THNSL1: variants seen among roughly 807,000 people sequenced by gnomAD.
THNSL1 encodes the protein threonine synthase like 1, also known as threonine synthase-like 1.
THNSL1 carries 48 observed loss-of-function variants against 50.4 expected under a neutral mutation model. That is an observed-to-expected ratio of 0.95 (90% CI 0.76 to 1.21). THNSL1 has a LOEUF of 1.21. THNSL1 is among the 50% of genes most tolerant of loss of function. THNSL1 has a pLI of 0.00. For missense variants in THNSL1, 896 were observed against 871.7 expected, an observed-to-expected ratio of 1.03 and a Z score of -0.35; for synonymous variants, 309 against 306.1, an observed-to-expected ratio of 1.01 and a Z score of -0.10.
the THNSL1 span, among the ~76,000 whole-genome samples, chr10:24,988,682 AT>A: frequency 1.2e-3 from 7 of 5,874 alleles, 1 homozygote; most frequent in Non-Finnish European, 7.1e-4. Context: ...ATATATATAT[AT>A]ATATATATAT....
the THNSL1 span, among the ~76,000 whole-genome samples, chr10:24,974,457 A>G: frequency 1.3e-5 from 2 of 152,236 alleles, no homozygotes; most frequent in African/African-American, 4.8e-5. Context: ...AACAGTTCTT[A>G]AAGAAAGTAG....
the THNSL1 span, among the ~76,000 whole-genome samples, chr10:25,001,600 G>T: frequency 2.0e-5 from 3 of 151,636 alleles, no homozygotes; most frequent in African/African-American, 7.3e-5. Context: ...TTCTATTACT[G>T]TGTCTTCAAA....
the THNSL1 span, among the ~76,000 whole-genome samples, chr10:25,003,495 C>T: frequency 6.6e-6 from 1 of 152,324 alleles, no homozygotes; most frequent in East Asian, 1.9e-4. Context: ...ATGTGAGCCA[C>T]TGCGCCAAGC....
the THNSL1 span, among the ~76,000 whole-genome samples, chr10:24,987,581 T>C: frequency 6.6e-6 from 1 of 152,180 alleles, no homozygotes; most frequent in African/African-American, 2.4e-5. Context: ...AGAGCAAGAC[T>C]GTCTCAAATA....
chr10:24,967,948 G>GTGTATGATGTGTGTGTA, the THNSL1 span, among the ~76,000 whole-genome samples: 6 of 151,454 alleles, frequency 4.0e-5, no homozygotes, highest in Non-Finnish European at 8.8e-5. Flanking sequence ...ATGTGTGTAT[G>GTGTATGATGTGTGTGTA]TGTATGATGT....
upstream of THNSL1, among the ~76,000 whole-genome samples, chr10:25,013,999 C>T (rs1239532200): frequency 6.6e-6 from 1 of 151,658 alleles, no homozygotes; most frequent in African/African-American, 2.4e-5. Flanking sequence ...TCTTGGAAAC[C>T]ATCTTATGCA....
chr10:25,017,940 T>C (rs1377850228), intron 1 of THNSL1, among the ~76,000 whole-genome samples: 1 of 152,196 alleles, frequency 6.6e-6, no homozygotes, highest in East Asian at 1.9e-4. Context: ...TGGCTAAAGC[T>C]TATGAATTTT....
the THNSL1 span, among the ~76,000 whole-genome samples, chr10:24,977,389 A>AT: frequency 6.6e-6 from 1 of 152,234 alleles, no homozygotes; most frequent in Non-Finnish European, 1.5e-5. Context: ...TAAATTATAC[A>AT]TTTTAGGTCA....
chr10:25,015,500 G>C (rs1450257604), upstream of THNSL1, among the ~76,000 whole-genome samples: 1 of 152,076 alleles, frequency 6.6e-6, no homozygotes, highest in Non-Finnish European at 1.5e-5. Context: ...CAAACATCAA[G>C]TATCCTTAAA....
the THNSL1 span, among the ~76,000 whole-genome samples, chr10:24,997,807 TTATA>T: frequency 6.9e-6 from 1 of 144,876 alleles, no homozygotes; most frequent in African/African-American, 2.6e-5. Flanking sequence ...CACAAAGGAT[TTATA>T]TATATATATA....
At chr10:25,010,331 C>T in the THNSL1 span, among the ~76,000 whole-genome samples, 2 of 152,100 alleles carry the variant, frequency 1.3e-5, no homozygotes, top group Non-Finnish European at 2.9e-5. Flanking sequence ...TTCCGGGCAT[C>T]TGATGGAAGA....
chr10:24,955,288 A>C, the THNSL1 span, among the ~76,000 whole-genome samples: 1 of 152,138 alleles, frequency 6.6e-6, no homozygotes, highest in Non-Finnish European at 1.5e-5. Context: ...CTCCCCCAAC[A>C]CTGGGAATTA....
the THNSL1 span, among the ~76,000 whole-genome samples, chr10:25,008,076 T>C: frequency 6.6e-6 from 1 of 151,134 alleles, no homozygotes; most frequent in South Asian, 2.1e-4. Context: ...TGAAGAGAAG[T>C]AGTCTTGTGG....
At chr10:24,987,466 C>T in the THNSL1 span, among the ~76,000 whole-genome samples, 4 of 151,398 alleles carry the variant, frequency 2.6e-5, no homozygotes, top group African/African-American at 7.3e-5. Context: ...GTCAGACTCC[C>T]TCTCTAAAAA....
At chr10:24,956,461 ATTTATTT>A in the THNSL1 span, among the ~76,000 whole-genome samples, 1 of 105,222 alleles carries the variant, frequency 9.5e-6, no homozygotes, top group East Asian at 3.0e-4. Flanking sequence ...TCTGCATTTT[ATTTATTT>A]TTTTTTTTTG....
chr10:25,010,463 C>CT, the THNSL1 span, among the ~76,000 whole-genome samples: 1 of 151,782 alleles, frequency 6.6e-6, no homozygotes, highest in African/African-American at 2.4e-5. Context: ...TATTATTATA[C>CT]TTTAAGTTTT....
At chr10:24,976,152 T>C in the THNSL1 span, among the ~76,000 whole-genome samples, 2 of 152,182 alleles carry the variant, frequency 1.3e-5, no homozygotes, top group African/African-American at 2.4e-5. Flanking sequence ...TAAGTACCTT[T>C]AGCAAGATCA....
the THNSL1 span, among the ~76,000 whole-genome samples, chr10:24,968,443 A>C: frequency 6.6e-6 from 1 of 152,140 alleles, no homozygotes; most frequent in South Asian, 2.1e-4. Context: ...CACAGGTGCC[A>C]ACATCCCCTT....
At chr10:24,959,278 A>G in the THNSL1 span, among the ~76,000 whole-genome samples, 1 of 152,250 alleles carries the variant, frequency 6.6e-6, no homozygotes. Flanking sequence ...TTAGCTGTAC[A>G]TGGATTCTCT....
Sources: allele counts gnomAD v4.1 joint callset (sites outside exome capture counted in the v4.1 genomes callset), GRCh38; gene constraint gnomAD v4.1.1; transcripts MANE v1.5; gene names NCBI Gene and HGNC (gene_info 2026-07-23, HGNC 2026-07-21).